Variants in KIRREL3 observed in about 807,000 individuals in gnomAD.
KIRREL3 encodes the protein kirre like nephrin family adhesion molecule 3, also known as kin of IRRE-like protein 3.
In KIRREL3, 36 loss-of-function variants were observed where a neutral mutation model predicts 89.7. The ratio of observed to expected loss-of-function variants is 0.40; its 90% CI spans 0.31 to 0.53. The LOEUF (loss-of-function observed/expected upper bound fraction) is 0.53. Among genes scored for constraint, KIRREL3 ranks in the 20% least tolerant of loss-of-function variants. The probability of loss-of-function intolerance (pLI) is 0.49; values close to 1 mark genes in which losing one functional copy is unlikely to be tolerated. For missense variants in KIRREL3, 864 were observed against 1,056.6 expected (o/e 0.82, Z 2.53); for synonymous variants, 445 against 441.4 (o/e 1.01, Z -0.10).
At chr11:126,437,757 A>G (rs1955412996) in intron 11 of KIRREL3, among the ~76,000 whole-genome samples, 1 of 152,168 alleles carries the variant, frequency 6.6e-6, no homozygotes, top group East Asian at 1.9e-4. Flanking sequence ...TGCACGCACC[A>G]TATGCCACAA....
intron 1 of KIRREL3, among the ~76,000 whole-genome samples, chr11:126,629,910 G>A (rs950209475): frequency 6.6e-6 from 1 of 152,128 alleles, no homozygotes; most frequent in Non-Finnish European, 1.5e-5. Context: ...ATTACTCCTG[G>A]AGCAAAACCT....
chr11:126,822,288 A>G (rs771192878), intron 1 of KIRREL3, among the ~76,000 whole-genome samples: 3 of 152,232 alleles, frequency 2.0e-5, no homozygotes, highest in Non-Finnish European at 4.4e-5. Flanking sequence ...TTACTATTAT[A>G]TAAAGCACAT....
At chr11:126,964,837 C>T (rs1949215613) in intron 1 of KIRREL3, among the ~76,000 whole-genome samples, 1 of 152,072 alleles carries the variant, frequency 6.6e-6, no homozygotes, top group Non-Finnish European at 1.5e-5. Flanking sequence ...TAAATCTTCC[C>T]AATGACCCTC....
chr11:126,456,830 A>G (rs1001734902), intron 6 of KIRREL3, among the ~76,000 whole-genome samples: 2 of 152,240 alleles, frequency 1.3e-5, no homozygotes, highest in African/African-American at 4.8e-5. Flanking sequence ...GCTTCAGTGC[A>G]GACTGTCTTT....
In KIRREL3 at chr11:126,423,638, C is replaced by T. The variant is rs1289874222; in HGVS notation, c.*942G>A. On this transcript the variant is annotated 3_prime_UTR_variant, in exon 17 of 17. Transcript: ENST00000525144. ...CAGCTGAGAAGGGCAGTCTCGCCAT[C>T]TTAAAGACCTGCCCTCCAGCCCCTT... 1 of 152,218 alleles carries T rather than the reference C, an allele frequency of 6.6e-6. No homozygotes were observed. The highest frequency in any genetic ancestry group is 2.4e-5 in the African/African-American group (1 of 41,442). The allele number at this position is 152,218 out of a possible 1,614,324, so 9.4% of individuals were successfully genotyped here.
chr11:126,429,031 G>A lies in KIRREL3; in HGVS notation c.1806+148C>T, dbSNP rs1449123905. 4 of 611,358 alleles carry A rather than the reference G, an allele frequency of 6.5e-6. No homozygotes were observed. The highest frequency in any genetic ancestry group is 8.9e-6 in the Non-Finnish European group (3 of 337,670). The allele number at this position is 611,358 out of a possible 1,614,324, so 37.9% of individuals were successfully genotyped here. On this transcript the variant is annotated intron_variant, in intron 15 of 16. Coordinates refer to ENST00000525144, the MANE Select transcript of KIRREL3 (RefSeq NM_032531.4). The surrounding 1 kb of genome is among the most constrained non-coding windows in gnomAD (Gnocchi z 5.2). ...ACACTCACATTTGTTGGCTGAGAGT[G>A]TGTGCCTCACCTATTGTGGGGTGGG...
chr11:126,457,244 T>C (rs1206841881), intron 6 of KIRREL3, among the ~76,000 whole-genome samples: 1 of 130,698 alleles, frequency 7.7e-6, no homozygotes, highest in Non-Finnish European at 1.5e-5. Context: ...TGTATATGTA[T>C]GTGTGTGTAT....
intron 5 of KIRREL3, among the ~76,000 whole-genome samples, chr11:126,472,731 A>AGAGAGAGAGAGAGAGAGAGC (rs1416539561): frequency 6.6e-6 from 1 of 151,556 alleles, no homozygotes; most frequent in African/African-American, 2.4e-5. Flanking sequence ...AGAGAGAGAG[A>AGAGAGAGAGAGAGAGAGAGC]GCACAAGTCA....
intron 10 of KIRREL3, 32 bp from the exon 11 acceptor site, chr11:126,440,581 G>A (rs145817483): frequency 2.1e-5 from 32 of 1,553,484 alleles, no homozygotes; most frequent in Middle Eastern, 1.7e-4. Flanking sequence ...TTAGGCACCC[G>A]GGAAGGGCAC....
chr11:126,573,287 C>T (rs1024520873), intron 1 of KIRREL3, among the ~76,000 whole-genome samples: 2 of 152,204 alleles, frequency 1.3e-5, no homozygotes, highest in African/African-American at 2.4e-5. Context: ...GGAGGGAGGG[C>T]TCTCCAGCTC....
chr11:126,581,596 C>T (rs1941558245), intron 1 of KIRREL3, among the ~76,000 whole-genome samples: 1 of 152,178 alleles, frequency 6.6e-6, no homozygotes, highest in Admixed American at 6.5e-5. Flanking sequence ...TAAAAGCATA[C>T]ATTGTGGAAT....
chr11:126,525,878 T>A lies in KIRREL3; in HGVS notation c.283+660A>T, dbSNP rs1958735159. Among the ~76,000 whole-genome samples, 1 of 152,170 alleles carries A rather than the reference T, an allele frequency of 6.6e-6. No homozygotes were observed. Among genetic ancestry groups the A allele is most frequent in the Non-Finnish European group, 1.5e-5 (1 of 68,036 alleles). On this transcript the variant is annotated intron_variant, in intron 3 of 16. Coordinates refer to ENST00000525144, the MANE Select transcript of KIRREL3 (RefSeq NM_032531.4). The surrounding 1 kb of genome is among the most constrained non-coding windows in gnomAD (Gnocchi z 5.4). ...CTGTATGGTCTTATGGGATCACTATTCACAATAGTTAACAAATGATCTGTT... is the reference window on the plus strand; with the variant it reads ...CTGTATGGTCTTATGGGATCACTATACACAATAGTTAACAAATGATCTGTT...
At position 126,778,298 on chromosome 11, in the gene KIRREL3, A is replaced by G. The variant is rs1950228240; in HGVS notation, c.56-215386T>C. On this transcript the variant is annotated intron_variant, in intron 1 of 16. Coordinates refer to ENST00000525144, the MANE Select transcript of KIRREL3 (RefSeq NM_032531.4). The surrounding 1 kb of genome is among the most constrained non-coding windows in gnomAD (Gnocchi z 4.5). Reference sequence around the variant, plus strand: ...AAAATATTTTGGAAACTAGTGCAAGAGGAGGCCAGGGGATTTGTCTTGAAG... The same window carrying G: ...AAAATATTTTGGAAACTAGTGCAAGGGGAGGCCAGGGGATTTGTCTTGAAG... 6.6e-6 allele frequency among the ~76,000 whole-genome samples: 1 copy of G among 152,194 alleles called. No individual in the cohort carries two copies. The highest frequency in any genetic ancestry group is 2.4e-5 in the African/African-American group (1 of 41,438).
intron 12 of KIRREL3, 129 bp from the exon 13 acceptor site, chr11:126,435,432 C>T (rs1591526779): frequency 5.7e-6 from 5 of 884,594 alleles, no homozygotes; most frequent in Non-Finnish European, 9.1e-6. Context: ...TGGGACCCCC[C>T]AACAGATCCA....
intron 1 of KIRREL3, among the ~76,000 whole-genome samples, chr11:126,853,094 G>T (rs1464950437): frequency 1.3e-5 from 2 of 151,994 alleles, no homozygotes; most frequent in Non-Finnish European, 2.9e-5. Flanking sequence ...TTTAAAATGG[G>T]AAAAATACTT....
At chr11:126,854,746 G>A (rs572369691) in intron 1 of KIRREL3, among the ~76,000 whole-genome samples, 5 of 152,114 alleles carry the variant, frequency 3.3e-5, no homozygotes, top group East Asian at 3.9e-4. Flanking sequence ...CCTGGAAGTC[G>A]AATTTCTGGT....
intron 1 of KIRREL3, among the ~76,000 whole-genome samples, chr11:126,600,695 G>A (rs1461608153): frequency 6.6e-6 from 1 of 152,142 alleles, no homozygotes; most frequent in Non-Finnish European, 1.5e-5. Context: ...GAGCTCCAAT[G>A]AGATGATTCC....
chr11:126,687,727 G>T lies in KIRREL3; in HGVS notation c.56-124815C>A. ...TTGGATGCTGGGGATACAAAGATAAGTGCTCTGAGGCCCCTATTCTCAGAG... is the reference window on the plus strand; with the variant it reads ...TTGGATGCTGGGGATACAAAGATAATTGCTCTGAGGCCCCTATTCTCAGAG... On this transcript the variant is annotated intron_variant, in intron 1 of 16. Coordinates refer to ENST00000525144, the MANE Select transcript of KIRREL3 (RefSeq NM_032531.4). The surrounding 1 kb of genome is among the most constrained non-coding windows in gnomAD (Gnocchi z 4.6). Among the ~76,000 whole-genome samples, 1 of 152,190 alleles carries T rather than the reference G, an allele frequency of 6.6e-6. No individual in the cohort carries two copies. The highest frequency in any genetic ancestry group is 1.9e-4 in the East Asian group (1 of 5,186).
chr11:126,894,680 T>C (rs1362754018), intron 1 of KIRREL3, among the ~76,000 whole-genome samples: 1 of 147,948 alleles, frequency 6.8e-6, no homozygotes, highest in Admixed American at 6.7e-5. Context: ...GCCCAAGGGG[T>C]CAAGGCTTCA....
Sources: gnomAD v4.1 joint callset for allele counts (sites outside exome capture counted in the v4.1 genomes callset) on GRCh38, gnomAD v4.1.1 for gene constraint, Gnocchi (gnomAD v3.1) non-coding constraint, MANE v1.5 for transcripts, NCBI Gene and HGNC (gene_info 2026-07-23, HGNC 2026-07-21) for gene names.